The following ANAPC5 variants were observed in gnomAD, a reference collection of about 807,000 sequenced individuals.
ANAPC5 encodes anaphase-promoting complex subunit 5.
A neutral mutation model predicts 91.3 loss-of-function variants in ANAPC5; 60 were observed. The observed-to-expected ratio is 0.66, with a 90% CI of 0.53 to 0.81. The LOEUF is 0.81. ANAPC5 is among the 40% of genes least tolerant of loss of function. The pLI is 0.00. For synonymous variants in ANAPC5, 340 were observed against 364.1 expected (o/e 0.93, Z 0.75); for missense variants, 690 against 931.5 (o/e 0.74, Z 3.37).
At chr12:121,346,126 T>C in intron 3 of ANAPC5, 95 bp from the exon 4 acceptor site, 1 of 1,017,496 alleles carries the variant, frequency 9.8e-7, no homozygotes, top group Non-Finnish European at 1.4e-6. Context: ...CTGCTGGAAT[T>C]CTTCCTTCAG....
intron 2 of ANAPC5, 100 bp downstream of exon 2, chr12:121,347,702 A>C (rs2136820934): frequency 1.1e-6 from 1 of 908,790 alleles, no homozygotes; most frequent in South Asian, 1.5e-5. Context: ...ACCTAGGGTA[A>C]TAAAGGTATC....
intron 5 of ANAPC5, among the ~76,000 whole-genome samples, chr12:121,339,045 CTTT>C (rs1213176603): frequency 2.1e-4 from 30 of 145,622 alleles, no homozygotes; most frequent in Middle Eastern, 3.6e-3. Context: ...TCAAATATGA[CTTT>C]TTTTTCTTTT....
chr12:121,347,460 T>C (rs1903713817), intron 2 of ANAPC5: 4 of 275,840 alleles, frequency 1.5e-5, no homozygotes, highest in Admixed American at 5.0e-5. Context: ...CAAAATCCCA[T>C]CTCTACTAAA....
chr12:121,308,739 G>T, intron 16 of ANAPC5, 48 bp from the exon 17 acceptor site: 1 of 1,452,316 alleles, frequency 6.9e-7, no homozygotes, highest in Non-Finnish European at 9.7e-7. Context: ...AACCCTTCAC[G>T]TATAGTTTTC....
At chr12:121,341,379 A>G (rs1903453136) in intron 5 of ANAPC5, among the ~76,000 whole-genome samples, 2 of 151,734 alleles carry the variant, frequency 1.3e-5, no homozygotes, top group South Asian at 4.2e-4. Flanking sequence ...CTGATGCATA[A>G]GAATAGCTTT....
At position 121,337,533 on chromosome 12, in the gene ANAPC5, T is replaced by G; in HGVS notation, c.658-141A>C. 4 of 594,876 alleles carry G rather than the reference T, an allele frequency of 6.7e-6. No homozygotes were observed. The South Asian group carries it at 7.9e-5, about 12-fold the overall frequency. The allele number at this position is 594,876 out of a possible 1,614,324, so 36.8% of individuals were successfully genotyped here. On this transcript the variant is annotated intron_variant, in intron 5 of 16. Coordinates refer to ENST00000261819, the MANE Select transcript of ANAPC5 (RefSeq NM_016237.5). ...GGCCCCTCATCTCGCCAGCCTTGGC[T>G]GGCCTTCCCTCACTCTAGGTAACAC... is the stretch of plus-strand genomic sequence containing the variant.
At chr12:121,317,966 C>T (rs1369980234) in intron 15 of ANAPC5, 5 of 219,390 alleles carry the variant, frequency 2.3e-5, no homozygotes, top group South Asian at 1.8e-4. Flanking sequence ...TTCACATCCC[C>T]TTGTTGCTAA....
rs1171141828 is a variant in ANAPC5, at chr12:121,320,384, C to T, written c.1515+1G>A. 6.2e-7 allele frequency: 1 copy of T among 1,613,228 alleles called. No homozygotes were observed. The highest frequency in any genetic ancestry group is 8.5e-7 in the Non-Finnish European group (1 of 1,179,396). On this transcript the variant is annotated splice_donor_variant, in intron 12 of 16. Coordinates refer to ENST00000261819, the MANE Select transcript of ANAPC5 (RefSeq NM_016237.5). LOFTEE classifies it high-confidence loss of function. ...CTATTGCCATGCAAAAGGCAGATTACCTGGGCGTGCTGACTATTAGGCGGA... is the reference window on the plus strand; with the variant it reads ...CTATTGCCATGCAAAAGGCAGATTATCTGGGCGTGCTGACTATTAGGCGGA...
chr12:121,348,002 A>G, intron 1 of ANAPC5, 121 bp from the exon 2 acceptor site: 1 of 683,682 alleles, frequency 1.5e-6, no homozygotes, highest in Admixed American at 2.8e-5. Flanking sequence ...CATGCAAATA[A>G]GGATTTTTCT....
chr12:121,352,718 T>TTGTTGTTGG (rs71079056), upstream of ANAPC5, among the ~76,000 whole-genome samples: 1 of 102,346 alleles, frequency 9.8e-6, no homozygotes, highest in African/African-American at 2.8e-5. Context: ...GTTGTTGTTG[T>TTGTTGTTGG]TGGTGGTGGT....
intron 4 of ANAPC5, among the ~76,000 whole-genome samples, chr12:121,344,317 G>A (rs546686150): frequency 1.3e-5 from 2 of 152,308 alleles, no homozygotes; most frequent in African/African-American, 4.8e-5. Flanking sequence ...GGTGGCTCAC[G>A]CCTGTAATCC....
chr12:121,346,917 C>T lies in ANAPC5; in HGVS notation c.376G>A (p.Val126Ile), dbSNP rs572556969. The change falls in exon 3 of 17, where the codon GTT becomes ATT. Residue 126 changes from valine to isoleucine, a missense_variant. Coordinates refer to ENST00000261819, the MANE Select transcript of ANAPC5 (RefSeq NM_016237.5). ...SDSFSGTEPE[V>I]HKTSVVGLFL... Reference sequence around the variant, plus strand: ...ATACCTACTACACTTGTTTTGTGAACCTCTGGTTCAGTTCCAGAGAAAGAA... The same window carrying T: ...ATACCTACTACACTTGTTTTGTGAATCTCTGGTTCAGTTCCAGAGAAAGAA... 1.6e-5 allele frequency: 26 copies of T among 1,608,240 alleles called. No homozygotes were observed. The highest frequency in any genetic ancestry group is 8.9e-5 in the South Asian group (8 of 89,838).
chr12:121,312,491 GGT>G (rs1902205075), intron 15 of ANAPC5, among the ~76,000 whole-genome samples: 1 of 151,906 alleles, frequency 6.6e-6, no homozygotes, highest in South Asian at 2.1e-4. Flanking sequence ...CAGATCATGA[GGT>G]CAGGAGATCG....
rs781937762 is a variant in ANAPC5, at chr12:121,327,119, G to C, written c.1417C>G (p.Leu473Val). The C allele has an allele frequency of 1.9e-6, 3 of 1,610,066 alleles. No individual in the cohort carries two copies. The highest frequency in any genetic ancestry group is 2.5e-6 in the Non-Finnish European group (3 of 1,178,896). The change falls in exon 11 of 17, where the codon CTC (leucine) becomes GTC (valine). Residue 473 changes from leucine (L) to valine (V), a missense_variant. Around this residue, in one of 5 missense-constraint regions of ANAPC5, gnomAD observed 317 missense variants for 438.7 expected, o/e 0.72. Coordinates refer to ENST00000261819, the MANE Select transcript of ANAPC5 (RefSeq NM_016237.5). The stretch of plus-strand genomic sequence containing the variant: ...ACCTGCTCCGCGTGTAGCTCTGCGA[G>C]GTGGCAGAGTGCGACAGCAAAGGAC... ...TESFAVALCH[L>V]AELHAEQGCF...
intron 5 of ANAPC5, among the ~76,000 whole-genome samples, 176 bp downstream of exon 5, chr12:121,341,827 G>T (rs985182709): frequency 2.0e-5 from 3 of 152,054 alleles, no homozygotes; most frequent in Admixed American, 6.6e-5. Flanking sequence ...AATAGGAAGG[G>T]GCACAGAGCT....
upstream of ANAPC5, among the ~76,000 whole-genome samples, chr12:121,353,472 C>CG (rs1903982009): frequency 8.9e-6 from 1 of 112,032 alleles, no homozygotes; most frequent in East Asian, 2.5e-4. Context: ...GACGGAGTCT[C>CG]CTCTGTCGCC....
intron 9 of ANAPC5, among the ~76,000 whole-genome samples, chr12:121,329,358 C>G (rs947834372): frequency 6.6e-6 from 1 of 152,044 alleles, no homozygotes; most frequent in South Asian, 2.1e-4. Context: ...TTTACCATAA[C>G]GGTCAGGCTG....
chr12:121,331,275 C>A, intron 8 of ANAPC5, 72 bp downstream of exon 8: 1 of 1,336,924 alleles, frequency 7.5e-7, no homozygotes, highest in Non-Finnish European at 1.1e-6. Flanking sequence ...CAAAACAACC[C>A]AATTCAACGG....
chr12:121,308,637 A>G lies in ANAPC5; in HGVS notation c.2111T>C (p.Val704Ala), dbSNP rs367672185. The change falls in exon 17 of 17, where the codon GTT becomes GCT. Residue 704 changes from valine (V) to alanine (A), a missense_variant. Val to Ala is a moderately conservative substitution (Grantham distance 64). Transcript: ENST00000261819. ...LNEAKNYFAK[V>A]DCKERIRDVV... ...GTCCCTGATGCGCTCTTTGCAGTCAACCTTTGCAAAATAGTTCTTGGCTTC... is the reference window on the plus strand; with the variant it reads ...GTCCCTGATGCGCTCTTTGCAGTCAGCCTTTGCAAAATAGTTCTTGGCTTC... 7.6e-5 allele frequency: 123 copies of G among 1,613,790 alleles called. 2 individuals are homozygous for G. In the South Asian group the frequency reaches 1.3e-3, roughly 17 times the overall value.
Sources: allele counts gnomAD v4.1 joint callset (sites outside exome capture counted in the v4.1 genomes callset), GRCh38; gene constraint gnomAD v4.1.1; regional missense constraint gnomAD v4.1.1; transcripts MANE v1.5; gene names NCBI Gene and HGNC (gene_info 2026-07-23, HGNC 2026-07-21).